The following EDRF1 variants were observed in gnomAD, a reference collection of about 807,000 sequenced individuals.
EDRF1 encodes erythroid differentiation regulatory factor 1.
Under a neutral mutation model 148.7 loss-of-function variants are expected in EDRF1, and 69 were observed. The ratio of observed to expected loss-of-function variants is 0.46; its 90% CI spans 0.38 to 0.57. EDRF1 has a LOEUF of 0.57. EDRF1 is among the 20% of genes least tolerant of loss of function. EDRF1 has a pLI of 0.00. For missense variants in EDRF1, 1,118 were observed against 1,478.7 expected (o/e 0.76, Z 4.00); for synonymous variants, 515 against 532.8 (o/e 0.97, Z 0.46).
intron 1 of EDRF1, among the ~76,000 whole-genome samples, chr10:125,720,874 T>A (rs1847961489): frequency 6.6e-6 from 1 of 152,170 alleles, no homozygotes; most frequent in Non-Finnish European, 1.5e-5. Context: ...TACTAAAGTT[T>A]GCATCTAGTT....
chr10:125,758,581 A>AT (rs1403264288), intron 24 of EDRF1, among the ~76,000 whole-genome samples: 12 of 152,246 alleles, frequency 7.9e-5, no homozygotes, highest in African/African-American at 2.9e-4. Flanking sequence ...GTTACCTTCC[A>AT]TGTACCACAG....
chr10:125,745,573 G>A (rs768322829), intron 18 of EDRF1, 134 bp from the exon 19 acceptor site: 20 of 826,524 alleles, frequency 2.4e-5, no homozygotes, highest in Admixed American at 6.0e-5. Flanking sequence ...GCAATGAGCC[G>A]TGGTTGACTG....
chr10:125,736,140 T>C lies in EDRF1; in HGVS notation c.1758+236T>C, dbSNP rs74983574. Among the ~76,000 whole-genome samples the C allele has an allele frequency of 1.1e-3, 163 of 152,326 alleles. 6 individuals carry two copies. In the East Asian group the frequency reaches 0.027, roughly 25 times the overall value. The stretch of plus-strand genomic sequence containing the variant: ...TAAACCAGGTGTCTGTCTATTCTTA[T>C]GTGAAGGATTTTCCTTTCCAGTGAC... On this transcript the variant is annotated intron_variant, in intron 13 of 24. Coordinates refer to ENST00000356792, the MANE Select transcript of EDRF1 (RefSeq NM_001202438.2).
Position 125,738,405 on chromosome 10 carries a change from C to G in EDRF1, c.1941C>G (p.Pro647=). 1.2e-6 allele frequency: 2 copies of G among 1,613,934 alleles called. No homozygotes were observed. The highest frequency in any genetic ancestry group is 1.3e-5 in the African/African-American group (1 of 74,936). The change falls in exon 15 of 25, where the codon CCC becomes CCG. Residue 647 remains proline (P), a synonymous_variant. Transcript: ENST00000356792. ...AAGATGAATCCTCAAGAGGGGGTCC[C>G]GAGGGGCTAGAGAAGCAGATGGCCT... ...KYEDESSRGG[P]EGLEKQMALF... is the part of the protein sequence containing the mutation.
chr10:125,755,979 C>A (rs112468090), intron 24 of EDRF1, among the ~76,000 whole-genome samples: 2,012 of 152,036 alleles, frequency 0.013, 47 homozygotes, highest in African/African-American at 0.046. Flanking sequence ...TCATTTCCTT[C>A]CTTCTACTTG....
intron 6 of EDRF1, among the ~76,000 whole-genome samples, chr10:125,728,100 G>A (rs1299077190): frequency 6.6e-6 from 1 of 151,838 alleles, no homozygotes; most frequent in Non-Finnish European, 1.5e-5. Context: ...TACTCGGGAG[G>A]CTGAGGTAGG....
At chr10:125,744,070 A>G (rs1003144103) in intron 18 of EDRF1, among the ~76,000 whole-genome samples, 2 of 152,218 alleles carry the variant, frequency 1.3e-5, no homozygotes, top group African/African-American at 4.8e-5. Flanking sequence ...ACTGAGAACC[A>G]TTCACATAAA....
chr10:125,749,786 T>TGAGATACC, intron 22 of EDRF1: 2 of 568,662 alleles, frequency 3.5e-6, no homozygotes, highest in South Asian at 4.0e-5. Flanking sequence ...CTAGAAATAC[T>TGAGATACC]GAGATATGGC....
chr10:125,753,674 T>C lies in EDRF1; in HGVS notation c.3394-20T>C. On this transcript the variant is annotated intron_variant, in intron 23 of 24. Transcript: ENST00000356792. ...CAGTTGTTGGATAGCTCGAGTAAAA[T>C]AACTTTTTGTTGTTTTTAGCCTAAG... The C allele has an allele frequency of 1.2e-6, 2 of 1,613,944 alleles. No individual in the cohort carries two copies. The highest frequency in any genetic ancestry group is 1.7e-5 in the Admixed American group (1 of 60,008).
intron 22 of EDRF1, chr10:125,750,505 C>G (rs1170500547): frequency 1.3e-5 from 2 of 152,184 alleles, no homozygotes; most frequent in African/African-American, 4.8e-5. Flanking sequence ...AAACAAGAAA[C>G]AATTATTTGA....
In EDRF1 at chr10:125,740,531, A is replaced by G; in HGVS notation, c.2050A>G (p.Met684Val). Reference sequence around the variant, plus strand: ...GATCCCTGGCTCTTGGCAACATAAAATGAAACTTCAGCTGATTCTCAAGTC... The same window carrying G: ...GATCCCTGGCTCTTGGCAACATAAAGTGAAACTTCAGCTGATTCTCAAGTC... ...GMIPGSWQHKMKLQLILKSSK... is the reference protein window; with the variant it reads ...GMIPGSWQHKVKLQLILKSSK... Residue 684 changes from methionine to valine, a missense_variant, in exon 16 of 25, where the codon ATG becomes GTG. By Grantham distance (21) the Met-to-Val change is conservative. Coordinates refer to ENST00000356792, the MANE Select transcript of EDRF1 (RefSeq NM_001202438.2). 6 of 1,614,152 alleles carry G rather than the reference A, an allele frequency of 3.7e-6. No homozygotes were observed. The highest frequency in any genetic ancestry group is 5.1e-6 in the Non-Finnish European group (6 of 1,180,014).
rs1849666692 is a variant in EDRF1, at chr10:125,751,968, C to T, written c.3278-831C>T. On this transcript the variant is annotated intron_variant, in intron 22 of 24. Transcript: ENST00000356792. ...CCAAGTGTATCAATCAATACATGTA[C>T]AACTGCGGAAGCTCACCCAAGCCTT... The T allele has an allele frequency of 2.6e-5, 4 of 152,252 alleles. No homozygotes were observed. In the South Asian group the frequency reaches 8.3e-4, roughly 32 times the overall value. 9.4% of individuals were successfully genotyped at this position (152,252 alleles called of 1,614,324 possible). A position where few individuals can be genotyped will look rare whatever the true frequency, so the allele number is the denominator to read the frequency against.
At chr10:125,751,416 G>GTT (rs1357538077) in intron 22 of EDRF1, among the ~76,000 whole-genome samples, 2 of 108,302 alleles carry the variant, frequency 1.8e-5, no homozygotes. Context: ...TTTTTTTTTT[G>GTT]TTTTTTTTTT....
rs777433652 is a variant in EDRF1, at chr10:125,725,359, C to T, written c.552C>T (p.Leu184=). ...WTWLKEFYQR[L]IDQKWQRKKK... Reference sequence around the variant, plus strand: ...GGTTGAAAGAGTTTTATCAAAGACTCATTGATCAGAAGTGGCAGAGGAAGA... The same window carrying T: ...GGTTGAAAGAGTTTTATCAAAGACTTATTGATCAGAAGTGGCAGAGGAAGA... The change falls in exon 5 of 25, where the codon CTC becomes CTT. Residue 184 remains leucine, a synonymous_variant. Transcript: ENST00000356792. 57 of 1,613,824 alleles carry T rather than the reference C, an allele frequency of 3.5e-5. 1 individual carries two copies. The highest frequency in any genetic ancestry group is 4.4e-5 in the South Asian group (4 of 91,074).
rs1318366440 is a variant in EDRF1, at chr10:125,719,767, C to T, written c.-41C>T. The T allele has an allele frequency of 3.2e-6, 5 of 1,544,120 alleles. No homozygotes were observed. Among genetic ancestry groups the T allele is most frequent in the Non-Finnish European group, 4.4e-6 (5 of 1,129,820 alleles). ...TTGGGCCTGCGTTGCTGCTGCTGCT[C>T]CTCCGCTCCCCCGTCGTATCGCCTG... On this transcript the variant is annotated 5_prime_UTR_variant, in exon 1 of 25. Coordinates refer to ENST00000356792, the MANE Select transcript of EDRF1 (RefSeq NM_001202438.2).
intron 22 of EDRF1, among the ~76,000 whole-genome samples, chr10:125,750,149 AAAAC>A (rs1290532544): frequency 2.0e-5 from 3 of 151,956 alleles, no homozygotes; most frequent in East Asian, 1.9e-4. Flanking sequence ...TCAAAAAACA[AAAAC>A]AAACAAAAAA....
At chr10:125,762,109 CGATGGG>C (rs2133773534) in intron 24 of EDRF1, among the ~76,000 whole-genome samples, 1 of 152,072 alleles carries the variant, frequency 6.6e-6, no homozygotes, top group Admixed American at 6.5e-5. Context: ...CTAAAGGCAG[CGATGGG>C]GATCCTGTGG....
At chr10:125,761,823 T>C (rs1472615211) in intron 24 of EDRF1, among the ~76,000 whole-genome samples, 1 of 152,244 alleles carries the variant, frequency 6.6e-6, no homozygotes, top group East Asian at 1.9e-4. Context: ...CAGTGTGATG[T>C]CATTGTCCAC....
At chr10:125,748,257 G>A in intron 21 of EDRF1, 2 of 561,242 alleles carry the variant, frequency 3.6e-6, no homozygotes, top group East Asian at 3.2e-5. Context: ...CTTACTGCCT[G>A]TCACTTAACA....
Sources: gnomAD v4.1 joint callset for allele counts (sites outside exome capture counted in the v4.1 genomes callset) on GRCh38, gnomAD v4.1.1 for gene constraint, MANE v1.5 for transcripts, NCBI Gene and HGNC (gene_info 2026-07-23, HGNC 2026-07-21) for gene names.